Variants in GPATCH8 observed in about 807,000 individuals in gnomAD.
GPATCH8 encodes the protein G-patch domain containing 8, also known as G patch domain-containing protein 8.
GPATCH8 carries 18 observed loss-of-function variants against 118.3 expected under a neutral mutation model. That is an observed-to-expected ratio of 0.15 (90% CI 0.11 to 0.23). The LOEUF is 0.23. Among genes scored for constraint, GPATCH8 ranks in the 10% least tolerant of loss-of-function variants. The pLI is 1.00. For missense variants in GPATCH8, 1,631 were observed against 1,873.8 expected, an observed-to-expected ratio of 0.87 and a Z score of 2.39; for synonymous variants, 659 against 684.7, an observed-to-expected ratio of 0.96 and a Z score of 0.59.
intron 1 of GPATCH8, among the ~76,000 whole-genome samples, chr17:44,477,607 A>G (rs1967877797): frequency 6.6e-6 from 1 of 152,084 alleles, no homozygotes; most frequent in Admixed American, 6.6e-5. Context: ...AAAAATAATA[A>G]AAATAAAATT....
chr17:44,480,708 A>T (rs1968161834), intron 1 of GPATCH8, among the ~76,000 whole-genome samples: 2 of 137,262 alleles, frequency 1.5e-5, no homozygotes, highest in Admixed American at 1.4e-4. Flanking sequence ...CAACAAGGGC[A>T]AAAAAAAAAA....
chr17:44,500,772 T>A (rs1158281990), intron 1 of GPATCH8, among the ~76,000 whole-genome samples: 1 of 152,246 alleles, frequency 6.6e-6, no homozygotes, highest in Non-Finnish European at 1.5e-5. Flanking sequence ...AAACCTACTA[T>A]GACTTGTTTT....
chr17:44,406,496 T>TGGG (rs398030921), intron 6 of GPATCH8, among the ~76,000 whole-genome samples: 753 of 20,998 alleles, frequency 0.036, 43 homozygotes, highest in South Asian at 0.14. Context: ...ACAGCTTACA[T>TGGG]GGGGGGGGGG....
intron 3 of GPATCH8, among the ~76,000 whole-genome samples, chr17:44,453,508 T>C (rs2051204947): frequency 6.7e-6 from 1 of 149,888 alleles, no homozygotes; most frequent in South Asian, 2.1e-4. Context: ...GGGGTGTGTG[T>C]GTGTGTGTGT....
chr17:44,497,528 C>CTGGGAGGT (rs1969747119), intron 1 of GPATCH8, among the ~76,000 whole-genome samples: 1 of 151,746 alleles, frequency 6.6e-6, no homozygotes, highest in Non-Finnish European at 1.5e-5. Flanking sequence ...GTCAAGGCTG[C>CTGGGAGGT]CAGGAGCCAT....
At chr17:44,414,117 GTA>G (rs3065772) in intron 6 of GPATCH8, among the ~76,000 whole-genome samples, 73,276 of 137,850 alleles carry the variant, frequency 0.53, 20,018 homozygotes, top group Middle Eastern at 0.64. Flanking sequence ...ATATATATAT[GTA>G]TATATATGTG....
intron 1 of GPATCH8, among the ~76,000 whole-genome samples, chr17:44,500,933 T>A (rs1001466581): frequency 1.3e-5 from 2 of 152,232 alleles, no homozygotes; most frequent in African/African-American, 4.8e-5. Flanking sequence ...TCAAAATACA[T>A]CATTAAATGA....
chr17:44,407,602 T>A (rs2049278708), intron 6 of GPATCH8, among the ~76,000 whole-genome samples: 1 of 151,972 alleles, frequency 6.6e-6, no homozygotes, highest in Non-Finnish European at 1.5e-5. Context: ...GCCCTTATTA[T>A]GGGGGAAGTT....
intron 1 of GPATCH8, among the ~76,000 whole-genome samples, chr17:44,490,476 T>TA (rs1183765757): frequency 1.2e-4 from 18 of 151,854 alleles, no homozygotes; most frequent in African/African-American, 4.1e-4. Context: ...CTGAGGGAGG[T>TA]AAAAAATAAA....
At chr17:44,476,495 G>A (rs1398003549) in intron 1 of GPATCH8, among the ~76,000 whole-genome samples, 1 of 152,218 alleles carries the variant, frequency 6.6e-6, no homozygotes, top group East Asian at 1.9e-4. Context: ...GTGAGCCACC[G>A]CACCCAGCCT....
intron 6 of GPATCH8, among the ~76,000 whole-genome samples, chr17:44,414,157 G>GTGTATATATATA (rs1567955955): frequency 5.2e-4 from 16 of 30,878 alleles, no homozygotes; most frequent in African/African-American, 1.3e-3. Context: ...ATATATATAT[G>GTGTATATATATA]TGTATATATA....
intron 1 of GPATCH8, among the ~76,000 whole-genome samples, chr17:44,477,814 G>C (rs1967899168): frequency 6.6e-6 from 1 of 151,880 alleles, no homozygotes; most frequent in South Asian, 2.1e-4. Context: ...AAGTCTTTTT[G>C]TTTTGTTTTG....
intron 1 of GPATCH8, among the ~76,000 whole-genome samples, chr17:44,478,082 T>C (rs1288934757): frequency 6.6e-6 from 1 of 152,138 alleles, no homozygotes; most frequent in Non-Finnish European, 1.5e-5. Context: ...CGCCTCAGCC[T>C]CCCAAAGTGC....
intron 1 of GPATCH8, among the ~76,000 whole-genome samples, chr17:44,475,459 G>T (rs1259408050): frequency 2.6e-5 from 4 of 151,944 alleles, no homozygotes; most frequent in Non-Finnish European, 5.9e-5. Context: ...AGCACTTTGG[G>T]AGGCCGAGGC....
intron 1 of GPATCH8, among the ~76,000 whole-genome samples, chr17:44,478,676 CA>C (rs1053177284): frequency 6.6e-6 from 1 of 151,646 alleles, no homozygotes; most frequent in African/African-American, 2.4e-5. Context: ...CAAAAAAAAA[CA>C]AAAAACAAAA....
At chr17:44,483,177 ATATATAT>A (rs1292730664) in intron 1 of GPATCH8, among the ~76,000 whole-genome samples, 262 of 6,958 alleles carry the variant, frequency 0.038, 39 homozygotes, top group Non-Finnish European at 0.057. Context: ...AAAAAAAAAA[ATATATAT>A]ATATATATAT....
rs556471064 is a variant in GPATCH8, at chr17:44,405,779, T to C, written c.623+142A>G. The C allele has an allele frequency of 2.4e-5, 15 of 617,904 alleles. No individual in the cohort carries two copies. The East Asian group carries it at 2.9e-4, about 12-fold the overall frequency. The allele number at this position is 617,904 out of a possible 1,614,324, so 38.3% of individuals were successfully genotyped here. On this transcript the variant is annotated intron_variant, in intron 7 of 7. Transcript: ENST00000591680. ...TCGGTCTCTCAAAGTGCTGGGATTATAGGGGTGAGCCACTGCGCCTGGCAC... is the reference window on the plus strand; with the variant it reads ...TCGGTCTCTCAAAGTGCTGGGATTACAGGGGTGAGCCACTGCGCCTGGCAC...
chr17:44,464,611 AT>A, intron 2 of GPATCH8, 67 bp from the exon 3 acceptor site: 1 of 921,158 alleles, frequency 1.1e-6, no homozygotes, highest in Admixed American at 1.7e-5. Flanking sequence ...TCCTAGAGAC[AT>A]TTAAACAGAT....
chr17:44,447,448 C>T (rs999965213), intron 3 of GPATCH8, among the ~76,000 whole-genome samples: 1 of 152,164 alleles, frequency 6.6e-6, no homozygotes, highest in South Asian at 2.1e-4. Context: ...TGAGCCACCG[C>T]ACCCAGCCAA....
Sources: allele counts gnomAD v4.1 joint callset (sites outside exome capture counted in the v4.1 genomes callset), GRCh38; gene constraint gnomAD v4.1.1; transcripts MANE v1.5; gene names NCBI Gene and HGNC (gene_info 2026-07-23, HGNC 2026-07-21).